Variants in PABPC4L observed in about 807,000 individuals in gnomAD.
PABPC4L encodes polyadenylate-binding protein 4-like.
For synonymous variants in PABPC4L, 169 were observed against 164.1 expected (o/e 1.03, Z -0.23); for missense variants, 452 against 451.4 (o/e 1.00, Z -0.01).
the PABPC4L span, among the ~76,000 whole-genome samples, chr4:134,159,735 C>A: frequency 6.6e-6 from 1 of 152,162 alleles, no homozygotes; most frequent in South Asian, 2.1e-4. Context: ...CTGGGCAAGC[C>A]CTGGTGTTGC....
the PABPC4L span, among the ~76,000 whole-genome samples, chr4:134,159,361 T>C: frequency 2.0e-5 from 3 of 152,064 alleles, no homozygotes; most frequent in African/African-American, 4.8e-5. Context: ...TGAGTAATCA[T>C]AGTACCCGGC....
Position 134,197,491 on chromosome 4 carries a change from T to A in PABPC4L, c.*2416A>T, listed in dbSNP as rs1729699266. On this transcript the variant is annotated 3_prime_UTR_variant, in exon 2 of 2. Coordinates refer to ENST00000421491, the MANE Select transcript of PABPC4L (RefSeq NM_001114734.2). ...AGCCATTTCAGTAGAATACTAAAACTTTCCAGCTTAACATTCAATTTTGGA... is the reference window on the plus strand; with the variant it reads ...AGCCATTTCAGTAGAATACTAAAACATTCCAGCTTAACATTCAATTTTGGA... 6.6e-6 allele frequency: 1 copy of A among 151,706 alleles called. No homozygotes were observed. Among genetic ancestry groups the A allele is most frequent in the East Asian group, 1.9e-4 (1 of 5,182 alleles). The allele number at this position is 151,706 out of a possible 1,614,324, so 9.4% of individuals were successfully genotyped here.
At chr4:134,033,946 A>G in the PABPC4L span, among the ~76,000 whole-genome samples, 1 of 151,970 alleles carries the variant, frequency 6.6e-6, no homozygotes, top group Non-Finnish European at 1.5e-5. Flanking sequence ...TAAACAATAG[A>G]TTTTCAATAC....
chr4:134,034,015 G>A, the PABPC4L span, among the ~76,000 whole-genome samples: 1 of 151,888 alleles, frequency 6.6e-6, no homozygotes, highest in African/African-American at 2.4e-5. Context: ...AGCGGGAGAG[G>A]AGAAGTCAAT....
chr4:133,969,421 G>C, the PABPC4L span, among the ~76,000 whole-genome samples: 78 of 152,190 alleles, frequency 5.1e-4, no homozygotes, highest in Admixed American at 7.8e-4. Flanking sequence ...TCGGCACATG[G>C]CTTGACAAGT....
At chr4:134,043,738 A>G in the PABPC4L span, among the ~76,000 whole-genome samples, 1 of 152,294 alleles carries the variant, frequency 6.6e-6, no homozygotes, top group African/African-American at 2.4e-5. Flanking sequence ...CATATGTAAT[A>G]CAGTGCACTA....
chr4:134,085,453 G>T, the PABPC4L span, among the ~76,000 whole-genome samples: 1 of 151,528 alleles, frequency 6.6e-6, no homozygotes, highest in Non-Finnish European at 1.5e-5. Flanking sequence ...AAACACACAC[G>T]CACTAACGCA....
At chr4:134,029,794 G>A in the PABPC4L span, among the ~76,000 whole-genome samples, 2 of 151,672 alleles carry the variant, frequency 1.3e-5, no homozygotes, top group African/African-American at 4.8e-5. Flanking sequence ...TAAAAAGGAG[G>A]TGATATGGCT....
chr4:134,061,848 A>G, the PABPC4L span, among the ~76,000 whole-genome samples: 1 of 151,902 alleles, frequency 6.6e-6, no homozygotes, highest in Non-Finnish European at 1.5e-5. Flanking sequence ...AAGAAAAAGA[A>G]GAAAGAAGGA....
rs2125710416 is a variant in PABPC4L at position 134,200,930 on chromosome 4, G to A, written c.90C>T (p.Phe30=). 1 of 1,560,014 alleles carries A rather than the reference G, an allele frequency of 6.4e-7. No individual in the cohort carries two copies. The highest frequency in any genetic ancestry group is 8.7e-7 in the Non-Finnish European group (1 of 1,151,724). The change falls in exon 2 of 2, where the codon TTC becomes TTT. Residue 30 remains phenylalanine (F), a synonymous_variant. Transcript: ENST00000421491. The part of the protein sequence containing the change: ...DVTEDLLFRK[F]STVGPVLSIR... ...TGGACAGCACAGGCCCCACAGTGCT[G>A]AACTTCCTGAACAGCAGGTCCTCGG...
the PABPC4L span, among the ~76,000 whole-genome samples, chr4:134,136,724 A>G: frequency 6.6e-6 from 1 of 152,024 alleles, no homozygotes; most frequent in South Asian, 2.1e-4. Flanking sequence ...ATTTGCAGCG[A>G]CTATGATCAT....
the PABPC4L span, among the ~76,000 whole-genome samples, chr4:134,159,399 T>A: frequency 6.6e-6 from 1 of 151,966 alleles, no homozygotes; most frequent in Non-Finnish European, 1.5e-5. Context: ...GAAAGAGGCA[T>A]TGAAGGGGAC....
the PABPC4L span, among the ~76,000 whole-genome samples, chr4:134,018,315 G>A: frequency 2.0e-4 from 30 of 152,068 alleles, 1 homozygote; most frequent in Non-Finnish European, 1.2e-4. Flanking sequence ...CCTGCACCCA[G>A]GTGATTAAAA....
At chr4:134,031,266 T>A in the PABPC4L span, among the ~76,000 whole-genome samples, 1 of 152,168 alleles carries the variant, frequency 6.6e-6, no homozygotes, top group South Asian at 2.1e-4. Flanking sequence ...TCCTCTAATT[T>A]GTTTTTCTAC....
At chr4:134,062,852 A>G in the PABPC4L span, among the ~76,000 whole-genome samples, 1 of 152,112 alleles carries the variant, frequency 6.6e-6, no homozygotes, top group Non-Finnish European at 1.5e-5. Flanking sequence ...AACCTGGATC[A>G]TTCTACCAAA....
chr4:133,992,665 C>T, the PABPC4L span, among the ~76,000 whole-genome samples: 2 of 152,006 alleles, frequency 1.3e-5, no homozygotes, highest in Non-Finnish European at 2.9e-5. Context: ...AGAGATGAGG[C>T]CAATAGAATG....
At chr4:134,054,254 A>ATATATATATATATATGTATATG in the PABPC4L span, among the ~76,000 whole-genome samples, 6 of 7,358 alleles carry the variant, frequency 8.2e-4, no homozygotes, top group Non-Finnish European at 1.1e-3. Flanking sequence ...TTGTATATGT[A>ATATATATATATATATGTATATG]TATATATATA....
At chr4:134,055,475 T>G in the PABPC4L span, among the ~76,000 whole-genome samples, 4 of 151,854 alleles carry the variant, frequency 2.6e-5, no homozygotes, top group Non-Finnish European at 5.9e-5. Flanking sequence ...CAAACAACTC[T>G]TAAGGGCACC....
chr4:134,062,887 T>C, the PABPC4L span, among the ~76,000 whole-genome samples: 1 of 152,066 alleles, frequency 6.6e-6, no homozygotes, highest in Non-Finnish European at 1.5e-5. Flanking sequence ...ATGAACTATA[T>C]GTAACCTATT....
Sources: gnomAD v4.1 joint callset for allele counts (sites outside exome capture counted in the v4.1 genomes callset) on GRCh38, gnomAD v4.1.1 for gene constraint, MANE v1.5 for transcripts, NCBI Gene and HGNC (gene_info 2026-07-23, HGNC 2026-07-21) for gene names.